NCOA1: variants seen among roughly 807,000 people sequenced by gnomAD.
NCOA1 encodes the protein nuclear receptor coactivator 1, also known as Hin-2 protein.
Under a neutral mutation model 150.9 loss-of-function variants are expected in NCOA1, and 35 were observed. The observed-to-expected ratio is 0.23, with a 90% CI of 0.18 to 0.31. NCOA1 has a LOEUF of 0.31. Among genes scored for constraint, NCOA1 ranks in the 10% least tolerant of loss-of-function variants. The pLI is 1.00. For synonymous variants in NCOA1, 590 were observed against 630.0 expected, an observed-to-expected ratio of 0.94 and a Z score of 0.95; for missense variants, 1,491 against 1,749.3, an observed-to-expected ratio of 0.85 and a Z score of 2.63.
intron 1 of NCOA1, among the ~76,000 whole-genome samples, chr2:24,517,722 C>A (rs901586794): frequency 5.3e-5 from 8 of 152,236 alleles, no homozygotes; most frequent in Admixed American, 3.9e-4. Flanking sequence ...GTAGTTGTTG[C>A]TAGCTTTTTC....
intron 1 of NCOA1, among the ~76,000 whole-genome samples, chr2:24,533,261 G>A (rs1049157632): frequency 6.6e-6 from 1 of 152,100 alleles, no homozygotes; most frequent in Non-Finnish European, 1.5e-5. Context: ...TCTGTTATTG[G>A]TATATAGGAA....
chr2:24,601,315 C>T (rs552638469), intron 3 of NCOA1, among the ~76,000 whole-genome samples: 2 of 152,028 alleles, frequency 1.3e-5, no homozygotes, highest in South Asian at 2.1e-4. Flanking sequence ...TGGGCTCAAG[C>T]GATCTTCCCA....
chr2:24,713,853 T>G (rs1322758902), intron 14 of NCOA1, among the ~76,000 whole-genome samples: 3 of 152,176 alleles, frequency 2.0e-5, no homozygotes, highest in African/African-American at 7.2e-5. Context: ...AGCTAGAACT[T>G]GCTGAACAAA....
intron 8 of NCOA1, among the ~76,000 whole-genome samples, chr2:24,687,126 G>C (rs1672443050): frequency 6.6e-6 from 1 of 151,572 alleles, no homozygotes; most frequent in Non-Finnish European, 1.5e-5. Flanking sequence ...CCTTAATTAA[G>C]GTAGGAATTG....
At chr2:24,534,809 A>G (rs1290403368) in intron 1 of NCOA1, among the ~76,000 whole-genome samples, 5 of 152,166 alleles carry the variant, frequency 3.3e-5, no homozygotes, top group Admixed American at 6.5e-5. Flanking sequence ...CTGTGGTCTG[A>G]GAGACAGTTT....
At chr2:24,721,059 T>G (rs1038639023) in intron 14 of NCOA1, among the ~76,000 whole-genome samples, 1 of 152,198 alleles carries the variant, frequency 6.6e-6, no homozygotes, top group Non-Finnish European at 1.5e-5. Context: ...ACTTTTCTTT[T>G]CCTTGCCATT....
At chr2:24,505,289 C>T (rs541909672) in intron 1 of NCOA1, among the ~76,000 whole-genome samples, 1 of 151,666 alleles carries the variant, frequency 6.6e-6, no homozygotes, top group Admixed American at 6.6e-5. Flanking sequence ...TGGGTTCAAG[C>T]GATTCTTCTG....
rs1026110471 is a variant in NCOA1, at chr2:24,729,556, C to A, written c.2942C>A (p.Pro981His). The A allele has an allele frequency of 1.2e-6, 2 of 1,614,056 alleles. No individual in the cohort carries two copies. The highest frequency in any genetic ancestry group is 2.7e-5 in the African/African-American group (2 of 74,918). Residue 981 changes from proline to histidine, a missense_variant, in exon 17 of 23, where the codon CCT becomes CAT. By Grantham distance (77) the Pro-to-His change is moderately conservative. Around this residue, in one of 8 missense-constraint regions of NCOA1, gnomAD observed 485 missense variants for 522.8 expected, o/e 0.93. Transcript: ENST00000348332. Reference sequence around the variant, plus strand: ...TTTCCACCACAACAAGCAACGCCACCTTTGATCATGGAAGAAAGACCCAAC... The same window carrying A: ...TTTCCACCACAACAAGCAACGCCACATTTGATCATGGAAGAAAGACCCAAC... ...ERFPPQQATP[P>H]LIMEERPNLY...
At chr2:24,504,035 A>G (rs532657499) in intron 1 of NCOA1, among the ~76,000 whole-genome samples, 1 of 152,210 alleles carries the variant, frequency 6.6e-6, no homozygotes, top group African/African-American at 2.4e-5. Context: ...GCGCCTGGCT[A>G]CTTGTCTCTG....
At chr2:24,701,411 A>G (rs1673152215) in intron 11 of NCOA1, among the ~76,000 whole-genome samples, 1 of 151,222 alleles carries the variant, frequency 6.6e-6, no homozygotes, top group African/African-American at 2.4e-5. Context: ...GGAGGCTGAG[A>G]TGAGAGAATT....
At chr2:24,664,766 C>T (rs1671338281) in intron 5 of NCOA1, among the ~76,000 whole-genome samples, 1 of 152,006 alleles carries the variant, frequency 6.6e-6, no homozygotes, top group Admixed American at 6.6e-5. Context: ...CAATTATGAG[C>T]TCTATAGCAA....
intron 21 of NCOA1, 102 bp from the exon 22 acceptor site, chr2:24,762,585 C>G: frequency 1.0e-6 from 1 of 963,418 alleles, no homozygotes; most frequent in Non-Finnish European, 1.6e-6. Context: ...TTTTGCTGTG[C>G]TCCTATTACT....
rs1183405187 is a variant in NCOA1 at position 24,576,149 on chromosome 2, G to GTTTTTTTTTTTTTTTTTTTTTTTTTTTT, written c.-259-8314_-259-8313insTTTTTTTTTTTTTTTTTTTTTTTTTTTT. 3.1e-4 allele frequency among the ~76,000 whole-genome samples: 29 copies of GTTTTTTTTTTTTTTTTTTTTTTTTTTTT among 94,000 alleles called. 2 individuals are homozygous for GTTTTTTTTTTTTTTTTTTTTTTTTTTTT. Among genetic ancestry groups the GTTTTTTTTTTTTTTTTTTTTTTTTTTTT allele is most frequent in the Admixed American group, 4.6e-4 (4 of 8,680 alleles). 61.7% of individuals were successfully genotyped at this position (94,000 alleles called of 152,430 possible). A position where few individuals can be genotyped will look rare whatever the true frequency, so the allele number is the denominator to read the frequency against. ...GAGTTTCAGAAATTATTTGGCCTTT[G>GTTTTTTTTTTTTTTTTTTTTTTTTTTTT]TTTTTTTTTTTTTGTTTTTTGTTTT... On this transcript the variant is annotated intron_variant, in intron 2 of 22. Coordinates refer to ENST00000348332, the MANE Select transcript of NCOA1 (RefSeq NM_003743.5).
chr2:24,534,096 TATTA>T (rs143756897), intron 1 of NCOA1, among the ~76,000 whole-genome samples: 74,614 of 149,918 alleles, frequency 0.5, 20,008 homozygotes, highest in Admixed American at 0.66. Context: ...GTTGGTAGGC[TATTA>T]ATTATTGCCT....
intron 14 of NCOA1, among the ~76,000 whole-genome samples, chr2:24,726,098 A>G (rs1674604818): frequency 6.6e-6 from 1 of 152,148 alleles, no homozygotes; most frequent in South Asian, 2.1e-4. Flanking sequence ...GTTATTGTAC[A>G]GCTATATTCT....
chr2:24,543,235 G>A (rs146137036), intron 1 of NCOA1, among the ~76,000 whole-genome samples: 237 of 152,292 alleles, frequency 1.6e-3, no homozygotes, highest in Middle Eastern at 6.8e-3. Flanking sequence ...CACATCGTGA[G>A]AGTGGAAGCA....
chr2:24,633,315 G>A (rs935258416), intron 3 of NCOA1, among the ~76,000 whole-genome samples: 1 of 151,868 alleles, frequency 6.6e-6, no homozygotes, highest in Non-Finnish European at 1.5e-5. Flanking sequence ...AAGAAATATT[G>A]GACATTAAGT....
At chr2:24,703,648 T>A (rs1436417716) in intron 11 of NCOA1, among the ~76,000 whole-genome samples, 1 of 152,186 alleles carries the variant, frequency 6.6e-6, no homozygotes, top group Non-Finnish European at 1.5e-5. Context: ...AAATTTATAT[T>A]CTGGTTTTGG....
intron 10 of NCOA1, among the ~76,000 whole-genome samples, chr2:24,693,935 T>A (rs17046480): frequency 6.6e-6 from 1 of 152,086 alleles, no homozygotes; most frequent in African/African-American, 2.4e-5. Flanking sequence ...AAGGCCTGTC[T>A]GAGGAGCTGA....
Sources: allele counts gnomAD v4.1 joint callset (sites outside exome capture counted in the v4.1 genomes callset), GRCh38; gene constraint gnomAD v4.1.1; regional missense constraint gnomAD v4.1.1; transcripts MANE v1.5; gene names NCBI Gene and HGNC (gene_info 2026-07-23, HGNC 2026-07-21).